The following KLF13 variants were observed in gnomAD, a reference collection of about 807,000 sequenced individuals.
KLF13 encodes Krueppel-like factor 13.
KLF13 carries 8 observed loss-of-function variants against 16.7 expected under a neutral mutation model. That is an observed-to-expected ratio of 0.48 (90% CI 0.28 to 0.87). The LOEUF is 0.87. Ranked by LOEUF, KLF13 falls within the 40% of genes least tolerant of loss-of-function variation. The pLI, the probability that KLF13 is intolerant of heterozygous loss-of-function variation, is 0.10. For synonymous variants in KLF13, 245 were observed against 208.4 expected (o/e 1.18, Z -1.51); for missense variants, 447 against 452.2 (o/e 0.99, Z 0.10).
At chr15:31,393,847 T>G (rs912171658) in intron 2 of KLF13, among the ~76,000 whole-genome samples, 5 of 152,258 alleles carry the variant, frequency 3.3e-5, no homozygotes, top group African/African-American at 9.6e-5. Context: ...GTCAAGGACA[T>G]GCTGCCTGGC....
intron 1 of KLF13, among the ~76,000 whole-genome samples, chr15:31,431,729 G>C (rs1387491411): frequency 6.6e-6 from 1 of 152,244 alleles, no homozygotes. Context: ...CTCCCAAAGT[G>C]CTGGGATTAC....
intron 1 of KLF13, among the ~76,000 whole-genome samples, chr15:31,421,332 C>A (rs2040320184): frequency 6.6e-6 from 1 of 152,018 alleles, no homozygotes; most frequent in African/African-American, 2.4e-5. Flanking sequence ...AAATATAAAG[C>A]ACTCAGTAAA....
chr15:31,384,404 C>G (rs1311734710), intron 1 of KLF13, among the ~76,000 whole-genome samples: 1 of 152,194 alleles, frequency 6.6e-6, no homozygotes, highest in Non-Finnish European at 1.5e-5. Context: ...TGCACTCCAA[C>G]CTGGGTGAGA....
intron 1 of KLF13, among the ~76,000 whole-genome samples, chr15:31,384,843 C>T (rs2039775074): frequency 6.6e-6 from 1 of 152,170 alleles, no homozygotes; most frequent in South Asian, 2.1e-4. Flanking sequence ...AAAGGAGCAC[C>T]AAACACACCA....
At chr15:31,347,136 C>CA (rs2039135315) in intron 1 of KLF13, among the ~76,000 whole-genome samples, 1 of 152,210 alleles carries the variant, frequency 6.6e-6, no homozygotes, top group African/African-American at 2.4e-5. Flanking sequence ...AGGATTTGGA[C>CA]ACCCTCCTGG....
Position 31,376,866 on chromosome 15 carries a change from CTT to C in KLF13, c.*4569_*4570del, listed in dbSNP as rs913350887. 1.6e-4 allele frequency: 24 copies of C among 152,390 alleles called. No homozygotes were observed. Among genetic ancestry groups the C allele is most frequent in the Non-Finnish European group, 2.8e-4 (19 of 68,024 alleles). 9.4% of individuals were successfully genotyped at this position (152,390 alleles called of 1,614,324 possible). On this transcript the variant is annotated 3_prime_UTR_variant, in exon 2 of 2. Transcript: ENST00000307145. ...CCACCTGGCCCTGCCCTGCCTCTCT[CTT>C]TCTCATACAGCTTTAAAACTTTACT...
chr15:31,411,626 C>T (rs914317189), intron 1 of KLF13, among the ~76,000 whole-genome samples: 5 of 150,444 alleles, frequency 3.3e-5, no homozygotes, highest in Non-Finnish European at 7.4e-5. Flanking sequence ...AGGATGGTCT[C>T]CATGTCCTGA....
At chr15:31,345,621 TG>T (rs2140943004) in intron 1 of KLF13, among the ~76,000 whole-genome samples, 1 of 152,310 alleles carries the variant, frequency 6.6e-6, no homozygotes, top group Non-Finnish European at 1.5e-5. Context: ...ACCGTTCCTT[TG>T]GCCCCCATCC....
At chr15:31,387,050 C>G (rs1403271341) in intron 1 of KLF13, among the ~76,000 whole-genome samples, 1 of 152,178 alleles carries the variant, frequency 6.6e-6, no homozygotes, top group Non-Finnish European at 1.5e-5. Flanking sequence ...GAATCTACTC[C>G]TTGTGAAGAT....
chr15:31,353,968 T>C (rs2039259317), intron 1 of KLF13, among the ~76,000 whole-genome samples: 1 of 152,212 alleles, frequency 6.6e-6, no homozygotes, highest in Admixed American at 6.5e-5. Context: ...TGAGAGTCCC[T>C]AACTCCCCTG....
chr15:31,406,527 GAAAA>G (rs1240139381), downstream of KLF13, among the ~76,000 whole-genome samples: 2 of 152,094 alleles, frequency 1.3e-5, no homozygotes, highest in Admixed American at 6.5e-5. Flanking sequence ...GGAATGAACA[GAAAA>G]AAAGAAAGAA....
At chr15:31,411,720 T>TA (rs918241885) in intron 1 of KLF13, among the ~76,000 whole-genome samples, 48 of 152,070 alleles carry the variant, frequency 3.2e-4, no homozygotes, top group African/African-American at 1.0e-3. Context: ...AAAAATTTTT[T>TA]AAAAAAGAAA....
intron 1 of KLF13, among the ~76,000 whole-genome samples, chr15:31,385,678 T>A (rs2039787726): frequency 6.6e-6 from 1 of 152,232 alleles, no homozygotes; most frequent in African/African-American, 2.4e-5. Flanking sequence ...TAAATGTGTG[T>A]GTTCTCACTG....
rs2038733492 is a variant in KLF13, at chr15:31,327,455, G to A, written c.243G>A (p.Ala81=). 2 of 1,228,412 alleles carry A rather than the reference G, an allele frequency of 1.6e-6. No individual in the cohort carries two copies. The highest frequency in any genetic ancestry group is 2.0e-6 in the Non-Finnish European group (2 of 985,204). 76.1% of individuals were successfully genotyped at this position (1,228,412 alleles called of 1,614,324 possible). A position where few individuals can be genotyped will look rare whatever the true frequency, so the allele number is the denominator to read the frequency against. The change falls in exon 1 of 2, where the codon GCG becomes GCA. Residue 81 remains alanine, a synonymous_variant. Transcript: ENST00000307145. ...LNQQAPAPAP[A]ERREGAAARK... is the part of the protein sequence containing the mutation. ...AGCAAGCGCCGGCGCCCGCCCCGGC[G>A]GAGCGCAGGGAGGGCGCCGCGGCCC...
At chr15:31,393,295 C>G (rs1262082491) in intron 1 of KLF13, 2 of 152,506 alleles carry the variant, frequency 1.3e-5, no homozygotes, top group Non-Finnish European at 2.9e-5. Context: ...CTTTGCATTT[C>G]CCGGTCCAGA....
intron 1 of KLF13, among the ~76,000 whole-genome samples, chr15:31,330,611 G>A (rs2038811319): frequency 6.6e-6 from 1 of 152,204 alleles, no homozygotes; most frequent in South Asian, 2.1e-4. Flanking sequence ...GCTCTGCTCT[G>A]ATTTTCCACC....
intron 1 of KLF13, among the ~76,000 whole-genome samples, chr15:31,424,224 G>C (rs189505544): frequency 3.9e-4 from 60 of 152,212 alleles, no homozygotes; most frequent in Non-Finnish European, 1.8e-4. Flanking sequence ...GGAATTTGAT[G>C]AGACCAACAT....
intron 1 of KLF13, among the ~76,000 whole-genome samples, chr15:31,349,783 T>A (rs1425304815): frequency 6.6e-6 from 1 of 152,184 alleles, no homozygotes; most frequent in African/African-American, 2.4e-5. Context: ...CTGTTTCTCC[T>A]GGGCCTGGAG....
downstream of KLF13, among the ~76,000 whole-genome samples, chr15:31,405,016 A>C (rs1437376520): frequency 6.6e-6 from 1 of 152,180 alleles, no homozygotes; most frequent in African/African-American, 2.4e-5. Flanking sequence ...AACCAATGAT[A>C]TGCTTATGCT....
Sources: allele counts gnomAD v4.1 joint callset (sites outside exome capture counted in the v4.1 genomes callset), GRCh38; gene constraint gnomAD v4.1.1; transcripts MANE v1.5; gene names NCBI Gene and HGNC (gene_info 2026-07-23, HGNC 2026-07-21).